ELOVL4: variants seen among roughly 807,000 people sequenced by gnomAD.
ELOVL4 encodes the protein very long chain fatty acid elongase 4.
Under a neutral mutation model 42.1 loss-of-function variants are expected in ELOVL4, and 18 were observed. The observed-to-expected ratio is 0.43, with a 90% CI of 0.30 to 0.63. The LOEUF is 0.63. Ranked by LOEUF, ELOVL4 falls within the 30% of genes least tolerant of loss-of-function variation. The probability of loss-of-function intolerance (pLI) is 0.15; values close to 1 mark genes in which losing one functional copy is unlikely to be tolerated. For synonymous variants in ELOVL4, 117 were observed against 127.0 expected (o/e 0.92, Z 0.53); for missense variants, 299 against 376.2 (o/e 0.79, Z 1.70).
In ELOVL4 at chr6:79,926,341, C is replaced by T; in HGVS notation, c.141G>A (p.Trp47Ter). Residue 47 changes from tryptophan (W) to a stop codon, truncating the protein, a stop_gained, in exon 2 of 6, where the codon TGG (tryptophan) becomes TGA (stop). Coordinates refer to ENST00000369816, the MANE Select transcript of ELOVL4 (RefSeq NM_022726.4). LOFTEE classifies it high-confidence loss of function. ...AAAGAGTGCTTATACTTAGTGTAGGCCAAGGAGACTGCATCAGAGGCCAAT... is the reference window on the plus strand; with the variant it reads ...AAAGAGTGCTTATACTTAGTGTAGGTCAAGGAGACTGCATCAGAGGCCAAT... Reference protein sequence around the residue: ...VENWPLMQSPWPTLSISTLYL... With the variant: ...VENWPLMQSP 1 of 1,613,898 alleles carries T rather than the reference C, an allele frequency of 6.2e-7. No individual in the cohort carries two copies. Among genetic ancestry groups the T allele is most frequent in the Non-Finnish European group, 8.5e-7 (1 of 1,179,926 alleles).
At chr6:79,917,731 G>T (rs1004894323) in intron 5 of ELOVL4, among the ~76,000 whole-genome samples, 5 of 152,262 alleles carry the variant, frequency 3.3e-5, no homozygotes, top group African/African-American at 1.2e-4. Context: ...TGAAGCAGAA[G>T]AATAGCTTGA....
chr6:79,916,767 A>C lies in ELOVL4; in HGVS notation c.786T>G (p.Phe262Leu). The change falls in exon 6 of 6, where the codon TTT becomes TTG. Residue 262 changes from phenylalanine to leucine, a missense_variant. Transcript: ENST00000369816. ...TGTATGTCCGAATGTAGAAGTTAAG[A>C]AAGAGAAATATGAAGCTGATTGCAT... ...IAYAISFIFL[F>L]LNFYIRTYKE... is the part of the protein sequence containing the mutation. 6.2e-7 allele frequency: 1 copy of C among 1,614,196 alleles called. No homozygotes were observed. The highest frequency in any genetic ancestry group is 8.5e-7 in the Non-Finnish European group (1 of 1,180,036).
intron 5 of ELOVL4, among the ~76,000 whole-genome samples, chr6:79,918,392 C>T (rs1458175805): frequency 1.3e-5 from 2 of 152,142 alleles, no homozygotes; most frequent in Non-Finnish European, 2.9e-5. Context: ...GACTAATTCA[C>T]ATGATTTTGA....
chr6:79,924,313 A>G (rs1774308791), intron 3 of ELOVL4, among the ~76,000 whole-genome samples: 2 of 152,156 alleles, frequency 1.3e-5, no homozygotes, highest in Admixed American at 1.3e-4. Context: ...AAGAGTTTCT[A>G]CTCTTGAGCA....
intron 1 of ELOVL4, among the ~76,000 whole-genome samples, chr6:79,940,437 TTCTG>T (rs1392145759): frequency 2.0e-5 from 3 of 152,110 alleles, no homozygotes; most frequent in Admixed American, 1.3e-4. Flanking sequence ...TTGTTTTCTC[TTCTG>T]TAAGACCTAC....
chr6:79,926,133 A>T (rs576331611), intron 2 of ELOVL4, 61 bp downstream of exon 2: 12 of 1,406,248 alleles, frequency 8.5e-6, no homozygotes, highest in African/African-American at 2.9e-5. Flanking sequence ...GGTTTTACAC[A>T]TTCTCATTTT....
chr6:79,939,891 T>C (rs1774617958), intron 1 of ELOVL4, among the ~76,000 whole-genome samples: 1 of 152,208 alleles, frequency 6.6e-6, no homozygotes, highest in African/African-American at 2.4e-5. Context: ...CTATTTCACT[T>C]AGTAACAAGG....
rs144959671 is a variant in ELOVL4 at position 79,927,463 on chromosome 6, A to C, written c.101-1082T>G. 5.3e-5 allele frequency among the ~76,000 whole-genome samples: 8 copies of C among 152,310 alleles called. No individual in the cohort carries two copies. The East Asian group carries it at 9.6e-4, about 18-fold the overall frequency. On this transcript the variant is annotated intron_variant, in intron 1 of 5. Transcript: ENST00000369816. ...TGTTGATCATAATAACTCCCTATTTAAACTGTCATTTTTACTAAAGCCTGT... is the reference window on the plus strand; with the variant it reads ...TGTTGATCATAATAACTCCCTATTTCAACTGTCATTTTTACTAAAGCCTGT...
chr6:79,918,695 G>T (rs1774200244), intron 5 of ELOVL4, among the ~76,000 whole-genome samples: 1 of 152,198 alleles, frequency 6.6e-6, no homozygotes, highest in African/African-American at 2.4e-5. Context: ...TTGAAAAATA[G>T]TTACCAGGTT....
In ELOVL4 at chr6:79,947,524, C is replaced by G. The variant is rs376652433; in HGVS notation, c.-245G>C. 2 of 537,972 alleles carry G rather than the reference C, an allele frequency of 3.7e-6. No individual in the cohort carries two copies. Among genetic ancestry groups the G allele is most frequent in the East Asian group, 3.4e-5 (1 of 29,642 alleles). 33.3% of individuals were successfully genotyped at this position (537,972 alleles called of 1,614,324 possible). A position where few individuals can be genotyped will look rare whatever the true frequency, so the allele number is the denominator to read the frequency against. On this transcript the variant is annotated 5_prime_UTR_variant, in exon 1 of 6. Coordinates refer to ENST00000369816, the MANE Select transcript of ELOVL4 (RefSeq NM_022726.4). ...AGACGAGGAGGTGGAGGAGGCCCAG[C>G]CGCCAGCACAGTGCGCTGCACCAGT...
chr6:79,932,062 GA>G (rs1774454706), intron 1 of ELOVL4, among the ~76,000 whole-genome samples: 1 of 152,162 alleles, frequency 6.6e-6, no homozygotes, highest in Non-Finnish European at 1.5e-5. Flanking sequence ...AGTTTGTAAT[GA>G]AAATATTTTG....
At chr6:79,921,010 T>C (rs935146268) in intron 4 of ELOVL4, among the ~76,000 whole-genome samples, 4 of 152,178 alleles carry the variant, frequency 2.6e-5, no homozygotes, top group African/African-American at 9.7e-5. Flanking sequence ...GGGCTGTGTC[T>C]TGGTATTCTT....
chr6:79,936,902 T>C (rs1774553395), intron 1 of ELOVL4, among the ~76,000 whole-genome samples: 2 of 152,188 alleles, frequency 1.3e-5, no homozygotes, highest in Admixed American at 1.3e-4. Flanking sequence ...GTTTCCTGTA[T>C]AGTCAGCATG....
intron 1 of ELOVL4, among the ~76,000 whole-genome samples, chr6:79,934,246 T>G (rs756152130): frequency 6.6e-6 from 1 of 151,944 alleles, no homozygotes; most frequent in Non-Finnish European, 1.5e-5. Flanking sequence ...CTGAGGACAG[T>G]TGAAGATGAG....
chr6:79,918,858 C>T (rs1294512312), intron 5 of ELOVL4, among the ~76,000 whole-genome samples: 2 of 152,198 alleles, frequency 1.3e-5, no homozygotes, highest in South Asian at 2.1e-4. Context: ...TCTGTCTCTG[C>T]TCTCTTAAGG....
intron 1 of ELOVL4, among the ~76,000 whole-genome samples, chr6:79,927,931 C>T (rs757394064): frequency 4.6e-4 from 70 of 152,084 alleles, no homozygotes; most frequent in Non-Finnish European, 8.8e-4. Flanking sequence ...AAAGATAGCA[C>T]GGCTGACTTT....
At chr6:79,933,750 TC>T (rs1774495350) in intron 1 of ELOVL4, among the ~76,000 whole-genome samples, 2 of 152,116 alleles carry the variant, frequency 1.3e-5, no homozygotes, top group East Asian at 3.9e-4. Flanking sequence ...TGATCTGAGC[TC>T]CCCCAGGTGA....
chr6:79,928,636 T>A (rs13201038), intron 1 of ELOVL4, among the ~76,000 whole-genome samples: 1 of 143,058 alleles, frequency 7.0e-6, no homozygotes, highest in East Asian at 2.1e-4. Context: ...TAGAGGCCAA[T>A]AGAAGAGTAA....
intron 4 of ELOVL4, 50 bp from the exon 5 acceptor site, chr6:79,919,597 A>T (rs1382135795): frequency 1.3e-6 from 2 of 1,544,570 alleles, no homozygotes; most frequent in Non-Finnish European, 1.8e-6. Flanking sequence ...TTTATTAGGC[A>T]GTAAGCCACT....
Sources: gnomAD v4.1 joint callset for allele counts (sites outside exome capture counted in the v4.1 genomes callset) on GRCh38, gnomAD v4.1.1 for gene constraint, MANE v1.5 for transcripts, NCBI Gene and HGNC (gene_info 2026-07-23, HGNC 2026-07-21) for gene names.